Variants in DPP6 observed in about 807,000 individuals in gnomAD.
DPP6 encodes the protein A-type potassium channel modulatory protein DPP6.
In DPP6, 69 loss-of-function variants were observed where a neutral mutation model predicts 122.6. That is an observed-to-expected ratio of 0.56 (90% confidence interval 0.46 to 0.69). The LOEUF is 0.69. Ranked by LOEUF, DPP6 falls within the 30% of genes least tolerant of loss-of-function variation. DPP6 has a pLI of 0.00. For synonymous variants in DPP6, 418 were observed against 433.1 expected, an observed-to-expected ratio of 0.97 and a Z score of 0.43; for missense variants, 928 against 1,116.9, an observed-to-expected ratio of 0.83 and a Z score of 2.41.
intron 1 of DPP6, among the ~76,000 whole-genome samples, chr7:154,385,769 C>T (rs927012456): frequency 3.3e-5 from 5 of 152,034 alleles, no homozygotes; most frequent in Admixed American, 1.3e-4. Flanking sequence ...CTGGTCTCAG[C>T]GAGTATTCAC....
chr7:154,623,657 A>G (rs62477227), intron 5 of DPP6, among the ~76,000 whole-genome samples: 1,985 of 39,292 alleles, frequency 0.051, 46 homozygotes, highest in African/African-American at 0.17. Context: ...ACACACGCGC[A>G]CACACACGCA....
the DPP6 span, among the ~76,000 whole-genome samples, chr7:153,851,372 C>A: frequency 6.6e-6 from 1 of 152,154 alleles, no homozygotes; most frequent in African/African-American, 2.4e-5. Context: ...TCCTCTCATT[C>A]CTGGATGGTA....
chr7:154,740,632 G>A (rs889396218), intron 8 of DPP6, among the ~76,000 whole-genome samples: 2 of 152,150 alleles, frequency 1.3e-5, no homozygotes, highest in African/African-American at 4.8e-5. Context: ...AGCGTTGATG[G>A]TATGAAGTCT....
At chr7:154,400,237 C>T (rs1342677830) in intron 1 of DPP6, among the ~76,000 whole-genome samples, 1 of 152,174 alleles carries the variant, frequency 6.6e-6, no homozygotes, top group Non-Finnish European at 1.5e-5. Context: ...CTGGCCACAG[C>T]AAAGAGAGGT....
chr7:154,466,670 G>T (rs757201277), intron 2 of DPP6, among the ~76,000 whole-genome samples: 1 of 152,122 alleles, frequency 6.6e-6, no homozygotes, highest in Non-Finnish European at 1.5e-5. Context: ...ATCACATTGG[G>T]GGTTAGGGTG....
chr7:154,064,702 G>T (rs1454658487), intron 1 of DPP6, among the ~76,000 whole-genome samples: 1 of 152,128 alleles, frequency 6.6e-6, no homozygotes, highest in East Asian at 1.9e-4. Context: ...GGTAGTTTCT[G>T]CTCTAAGCTC....
At chr7:154,072,618 A>C (rs1437753677) in intron 1 of DPP6, among the ~76,000 whole-genome samples, 1 of 152,298 alleles carries the variant, frequency 6.6e-6, no homozygotes, top group Non-Finnish European at 1.5e-5. Context: ...GCCTACCCTG[A>C]TATTACGGGA....
intron 1 of DPP6, among the ~76,000 whole-genome samples, chr7:154,389,828 A>G (rs1814456312): frequency 6.6e-6 from 1 of 152,252 alleles, no homozygotes; most frequent in African/African-American, 2.4e-5. Context: ...AAAAGGATTA[A>G]ATACCTAAGC....
At chr7:154,055,942 A>G (rs2129064903) in intron 1 of DPP6, 1 of 152,350 alleles carries the variant, frequency 6.6e-6, no homozygotes, top group Non-Finnish European at 1.5e-5. Flanking sequence ...ATTGAGAAAT[A>G]TAGTTCTTGG....
intron 1 of DPP6, among the ~76,000 whole-genome samples, chr7:154,001,913 C>A (rs1797709260): frequency 6.6e-6 from 1 of 151,822 alleles, no homozygotes; most frequent in South Asian, 2.1e-4. Context: ...TTGGTAACAT[C>A]CAAGCTGTGC....
chr7:154,653,800 CAG>C lies in DPP6; in HGVS notation c.681-15557_681-15556del, dbSNP rs1472287050. Reference sequence around the variant, plus strand: ...GCTTCCCCGTCATGTCTTCATTTCACAGAGTTTGTTGAGCACTGATCTTGATA... The same window carrying C: ...GCTTCCCCGTCATGTCTTCATTTCACAGTTTGTTGAGCACTGATCTTGATA... On this transcript the variant is annotated intron_variant, in intron 6 of 25. Transcript: ENST00000377770. Among the ~76,000 whole-genome samples, 6 of 152,232 alleles carry C rather than the reference CAG, an allele frequency of 3.9e-5. No individual in the cohort carries two copies. In the East Asian group the frequency reaches 9.7e-4, roughly 25 times the overall value.
At chr7:154,349,876 T>TA (rs1810705253) in intron 1 of DPP6, among the ~76,000 whole-genome samples, 1 of 152,148 alleles carries the variant, frequency 6.6e-6, no homozygotes, top group South Asian at 2.1e-4. Context: ...AGAAGTAGAG[T>TA]AAAAAACAAA....
intron 3 of DPP6, among the ~76,000 whole-genome samples, chr7:154,504,528 A>G (rs2129674938): frequency 6.6e-6 from 1 of 152,334 alleles, no homozygotes; most frequent in South Asian, 2.1e-4. Flanking sequence ...ATGATTTAAA[A>G]GAGATGTGAG....
At chr7:154,433,003 T>C (rs1383397089) in intron 1 of DPP6, among the ~76,000 whole-genome samples, 1 of 152,158 alleles carries the variant, frequency 6.6e-6, no homozygotes, top group East Asian at 1.9e-4. Context: ...AATTTTGCAT[T>C]TGGAAAATTG....
intron 2 of DPP6, among the ~76,000 whole-genome samples, chr7:154,450,596 G>A (rs545751794): frequency 2.0e-5 from 3 of 152,294 alleles, no homozygotes; most frequent in African/African-American, 4.8e-5. Flanking sequence ...AGTCTCCTGC[G>A]TGAGCGAGCT....
chr7:154,891,260 C>T (rs1194433851), intron 25 of DPP6: 4 of 152,118 alleles, frequency 2.6e-5, no homozygotes, highest in African/African-American at 7.2e-5. Flanking sequence ...AAGATGCAGG[C>T]TTTGAATCCC....
chr7:154,023,804 C>T (rs1255363910), intron 1 of DPP6, among the ~76,000 whole-genome samples: 2 of 152,014 alleles, frequency 1.3e-5, no homozygotes, highest in African/African-American at 2.4e-5. Flanking sequence ...TTTTACATAA[C>T]AGATTGTATT....
At chr7:154,126,907 C>T (rs556012679) in intron 1 of DPP6, among the ~76,000 whole-genome samples, 27 of 152,216 alleles carry the variant, frequency 1.8e-4, no homozygotes, top group Admixed American at 7.2e-4. Flanking sequence ...TCTAGTTATA[C>T]CGATTTTCTT....
intron 19 of DPP6, among the ~76,000 whole-genome samples, chr7:154,873,746 G>A (rs1384243088): frequency 2.6e-5 from 4 of 151,710 alleles, no homozygotes; most frequent in African/African-American, 7.3e-5. Flanking sequence ...GCAGACACAC[G>A]CACCCACACA....
Sources: allele counts gnomAD v4.1 joint callset (sites outside exome capture counted in the v4.1 genomes callset), GRCh38; gene constraint gnomAD v4.1.1; transcripts MANE v1.5; gene names NCBI Gene and HGNC (gene_info 2026-07-23, HGNC 2026-07-21).